The following STARD13 variants were observed in gnomAD, a reference collection of about 807,000 sequenced individuals.
The protein encoded by STARD13 is StAR related lipid transfer domain containing 13.
STARD13 carries 62 observed loss-of-function variants against 106.4 expected under a neutral mutation model. The observed-to-expected ratio is 0.58, with a 90% CI of 0.48 to 0.72. The LOEUF (loss-of-function observed/expected upper bound fraction) is 0.72, where lower values mean the gene tolerates loss of function less well. Among genes scored for constraint, STARD13 ranks in the 30% least tolerant of loss-of-function variants. STARD13 has a pLI of 0.00. For synonymous variants in STARD13, 565 were observed against 553.0 expected (o/e 1.02, Z -0.31); for missense variants, 1,387 against 1,424.0 (o/e 0.97, Z 0.42).
the STARD13 span, among the ~76,000 whole-genome samples, chr13:33,650,192 T>G: frequency 2.0e-5 from 2 of 101,242 alleles, no homozygotes; most frequent in Admixed American, 1.0e-4. Context: ...TTTTTTTTTT[T>G]TTTTTTTTTT....
At chr13:33,462,349 T>C in the STARD13 span, among the ~76,000 whole-genome samples, 1 of 152,244 alleles carries the variant, frequency 6.6e-6, no homozygotes, top group African/African-American at 2.4e-5. Flanking sequence ...TTACAGATCA[T>C]ATACCACATT....
At chr13:33,113,398 G>C in intron 8 of STARD13, 1 of 424,228 alleles carries the variant, frequency 2.4e-6, no homozygotes. Context: ...TTAGGGAACA[G>C]TAGCCTCGCC....
At chr13:33,562,230 T>TA in the STARD13 span, among the ~76,000 whole-genome samples, 2 of 147,174 alleles carry the variant, frequency 1.4e-5, no homozygotes, top group African/African-American at 2.5e-5. Context: ...TTACTGCCTT[T>TA]AAAAAAACTA....
the STARD13 span, among the ~76,000 whole-genome samples, chr13:33,390,358 A>C: frequency 6.6e-6 from 1 of 152,148 alleles, no homozygotes; most frequent in Admixed American, 6.5e-5. Flanking sequence ...TTTACCATCA[A>C]CCTGGTGTTT....
intron 2 of STARD13, among the ~76,000 whole-genome samples, chr13:33,165,986 T>C (rs1566041183): frequency 6.6e-6 from 1 of 152,158 alleles, no homozygotes; most frequent in Non-Finnish European, 1.5e-5. Context: ...GCTTTGAAGG[T>C]CACAGGCAAT....
intron 3 of STARD13, among the ~76,000 whole-genome samples, chr13:33,144,028 C>T (rs1880199888): frequency 6.6e-6 from 1 of 152,182 alleles, no homozygotes; most frequent in Non-Finnish European, 1.5e-5. Flanking sequence ...TCCTTCCTGC[C>T]ACGAAGCAGT....
At chr13:33,563,027 A>G in the STARD13 span, among the ~76,000 whole-genome samples, 1,640 of 146,978 alleles carry the variant, frequency 0.011, 203 homozygotes, top group African/African-American at 0.039. Context: ...CTAGGAATCA[A>G]TTGAATCAAA....
At chr13:33,516,588 C>A in the STARD13 span, among the ~76,000 whole-genome samples, 1 of 151,862 alleles carries the variant, frequency 6.6e-6, no homozygotes, top group African/African-American at 2.4e-5. Context: ...ATAAGATTAT[C>A]TTTTTATTGG....
At chr13:33,393,373 C>T in the STARD13 span, among the ~76,000 whole-genome samples, 6 of 152,134 alleles carry the variant, frequency 3.9e-5, no homozygotes, top group Admixed American at 1.3e-4. Flanking sequence ...AAGGCAGCAA[C>T]GTGATTACCA....
chr13:33,117,831 T>C (rs1217591659), intron 8 of STARD13: 17 of 984,894 alleles, frequency 1.7e-5, no homozygotes, highest in Non-Finnish European at 1.2e-6. Context: ...CAAAACTCTT[T>C]TGAGAAGGAA....
intron 1 of STARD13, among the ~76,000 whole-genome samples, chr13:33,325,971 C>A (rs1453161866): frequency 9.0e-6 from 1 of 110,934 alleles, no homozygotes; most frequent in Admixed American, 1.3e-4. Context: ...GGCGACAGAG[C>A]GAGACTCCGT....
At chr13:33,347,826 T>A (rs1311710278), downstream of STARD13, among the ~76,000 whole-genome samples, 1 of 152,208 alleles carries the variant, frequency 6.6e-6, no homozygotes, top group African/African-American at 2.4e-5. Context: ...TGGTTGGTTA[T>A]TCTGGTACTG....
At chr13:33,313,810 A>G (rs145777043) in intron 1 of STARD13, among the ~76,000 whole-genome samples, 11 of 152,304 alleles carry the variant, frequency 7.2e-5, no homozygotes, top group African/African-American at 2.4e-4. Flanking sequence ...GACTGACTTC[A>G]TAGCTACCTG....
At chr13:33,451,049 A>T in the STARD13 span, among the ~76,000 whole-genome samples, 1 of 151,884 alleles carries the variant, frequency 6.6e-6, no homozygotes, top group Non-Finnish European at 1.5e-5. Context: ...GGCCTGGCTA[A>T]TTTTTTATTT....
intron 1 of STARD13, among the ~76,000 whole-genome samples, chr13:33,176,236 T>C (rs973026078): frequency 1.3e-4 from 20 of 152,334 alleles, no homozygotes; most frequent in Middle Eastern, 3.4e-3. Flanking sequence ...TATCTGAGTA[T>C]ACATGAAAAC....
the STARD13 span, among the ~76,000 whole-genome samples, chr13:33,650,175 T>G: frequency 1.2e-3 from 80 of 67,240 alleles, 1 homozygote; most frequent in African/African-American, 7.8e-3. Flanking sequence ...TTTTTTTTTT[T>G]TTTTTTTTTT....
In STARD13 at chr13:33,129,229, A is replaced by G. The variant is rs757749914; in HGVS notation, c.1448T>C (p.Phe483Ser). Residue 483 changes from phenylalanine to serine, a missense_variant, in exon 5 of 14, where the codon TTC (phenylalanine) becomes TCC (serine). By Grantham distance (155) the Phe-to-Ser change is radical. Transcript: ENST00000336934. ...CTGCAGAATGTCATCCAAGTGAGGGAAAAGGTCATCTTTCTCCAAGTCCAA... is the reference window on the plus strand; with the variant it reads ...CTGCAGAATGTCATCCAAGTGAGGGGAAAGGTCATCTTTCTCCAAGTCCAA... ...DLLDLEKDDL[F>S]PHLDDILQHV... The G allele has an allele frequency of 6.2e-7, 1 of 1,614,180 alleles. No individual in the cohort carries two copies. Among genetic ancestry groups the G allele is most frequent in the Admixed American group, 1.7e-5 (1 of 60,018 alleles).
the STARD13 span, among the ~76,000 whole-genome samples, chr13:33,576,365 G>A: frequency 1.8e-4 from 28 of 152,020 alleles, no homozygotes; most frequent in African/African-American, 6.5e-4. Flanking sequence ...TGGGACTACA[G>A]GAGTGTGCCA....
the STARD13 span, among the ~76,000 whole-genome samples, chr13:33,529,188 G>A: frequency 2.0e-5 from 3 of 152,102 alleles, no homozygotes; most frequent in Non-Finnish European, 2.9e-5. Context: ...AGACTAAGAC[G>A]AAAGTTAGTG....
Sources: gnomAD v4.1 joint callset for allele counts (sites outside exome capture counted in the v4.1 genomes callset) on GRCh38, gnomAD v4.1.1 for gene constraint, MANE v1.5 for transcripts, NCBI Gene and HGNC (gene_info 2026-07-23, HGNC 2026-07-21) for gene names.